The following POLDIP2 variants were observed in gnomAD, a reference collection of about 807,000 sequenced individuals.
POLDIP2 encodes the protein polymerase delta-interacting protein 2.
In POLDIP2, 32 loss-of-function variants were observed where a neutral mutation model predicts 52.9. The ratio of observed to expected loss-of-function variants is 0.61; its 90% confidence interval spans 0.46 to 0.81. POLDIP2 has a LOEUF of 0.81. POLDIP2 is among the 40% of genes least tolerant of loss of function. The pLI, the probability that POLDIP2 is intolerant of heterozygous loss-of-function variation, is 0.00. For missense variants in POLDIP2, 371 were observed against 477.3 expected, an observed-to-expected ratio of 0.78 and a Z score of 2.07; for synonymous variants, 183 against 183.0, an observed-to-expected ratio of 1.00 and a Z score of 0.00.
At chr17:28,356,632 A>C (rs1360072486) in intron 1 of POLDIP2, among the ~76,000 whole-genome samples, 3 of 152,194 alleles carry the variant, frequency 2.0e-5, no homozygotes, top group Non-Finnish European at 4.4e-5. Context: ...AATATCAGCC[A>C]CTAAAATGTC....
chr17:28,354,790 A>T (rs1907951416), intron 2 of POLDIP2, among the ~76,000 whole-genome samples: 1 of 152,194 alleles, frequency 6.6e-6, no homozygotes, highest in Non-Finnish European at 1.5e-5. Flanking sequence ...TTTAGGTAAA[A>T]GCTTAGGCCT....
rs1907773700 is a variant in POLDIP2 at position 28,350,918 on chromosome 17, T to TG, written c.760-127dup. ...AGACAGACCAAGCTGAGAGTATCTGTGGGATAAGGGTGATAGCTGAACCAT... is the reference window on the plus strand; with the variant it reads ...AGACAGACCAAGCTGAGAGTATCTGTGGGGATAAGGGTGATAGCTGAACCAT... On this transcript the variant is annotated intron_variant, in intron 7 of 10. Coordinates refer to ENST00000540200, the MANE Select transcript of POLDIP2 (RefSeq NM_015584.5). 3 of 811,626 alleles carry TG rather than the reference T, an allele frequency of 3.7e-6. No homozygotes were observed. The South Asian group carries it at 4.5e-5, about 12-fold the overall frequency. The allele number at this position is 811,626 out of a possible 1,614,324, so 50.3% of individuals were successfully genotyped here. A position where few individuals can be genotyped will look rare whatever the true frequency, so the allele number is the denominator to read the frequency against.
chr17:28,349,459 C>CAAAAAAA (rs11357551), intron 9 of POLDIP2, among the ~76,000 whole-genome samples: 1 of 73,374 alleles, frequency 1.4e-5, no homozygotes, highest in East Asian at 4.1e-4. Context: ...CCCATCTCCA[C>CAAAAAAA]AAAAAAAAAA....
intron 1 of POLDIP2, 21 bp downstream of exon 1, chr17:28,357,266 GC>G: frequency 1.9e-6 from 3 of 1,556,432 alleles, no homozygotes; most frequent in Middle Eastern, 2.0e-4. Context: ...AGTTCCTCGC[GC>G]CCCCTGGCTC....
chr17:28,349,817 G>A (rs1907730385), intron 9 of POLDIP2, among the ~76,000 whole-genome samples: 1 of 152,186 alleles, frequency 6.6e-6, no homozygotes, highest in Non-Finnish European at 1.5e-5. Flanking sequence ...CGAAAGTTAT[G>A]CTAATATATA....
At chr17:28,357,203 C>G in intron 1 of POLDIP2, 85 bp downstream of exon 1, 6 of 1,279,724 alleles carry the variant, frequency 4.7e-6, no homozygotes, top group Non-Finnish European at 6.3e-6. Context: ...TCAGCAGGCC[C>G]GGGCCCCTGG....
intron 8 of POLDIP2, 39 bp from the exon 9 acceptor site, chr17:28,350,602 A>G: frequency 6.2e-7 from 1 of 1,601,090 alleles, no homozygotes; most frequent in Non-Finnish European, 8.5e-7. Context: ...AAAAAAATAA[A>G]ATTTGGGTAA....
intron 9 of POLDIP2, among the ~76,000 whole-genome samples, chr17:28,349,846 G>A (rs1447062117): frequency 6.6e-6 from 1 of 152,218 alleles, no homozygotes; most frequent in Non-Finnish European, 1.5e-5. Flanking sequence ...GGAATTTGAA[G>A]TGACTACCTA....
chr17:28,351,641 AG>A (rs781963029), intron 7 of POLDIP2, 22 bp downstream of exon 7: 23 of 1,612,118 alleles, frequency 1.4e-5, no homozygotes, highest in Non-Finnish European at 1.9e-5. Context: ...CCCTGCTAGA[AG>A]GGGTCCAGGC....
intron 1 of POLDIP2, among the ~76,000 whole-genome samples, chr17:28,356,545 A>C (rs1007715709): frequency 6.6e-6 from 1 of 152,126 alleles, no homozygotes; most frequent in South Asian, 2.1e-4. Context: ...TCGCTCTCTC[A>C]ATACCGTTTT....
At chr17:28,352,207 G>A (rs138526805) in intron 6 of POLDIP2, among the ~76,000 whole-genome samples, 1 of 147,110 alleles carries the variant, frequency 6.8e-6, no homozygotes, top group African/African-American at 2.5e-5. Flanking sequence ...GGTTGAAAAG[G>A]GTTGTGGAAA....
Position 28,347,797 on chromosome 17 carries a change from G to A in POLDIP2, c.*320C>T, listed in dbSNP as rs980155785. 86 of 246,976 alleles carry A rather than the reference G, an allele frequency of 3.5e-4. No individual in the cohort carries two copies. The highest frequency in any genetic ancestry group is 1.7e-3 in the African/African-American group (76 of 44,216). 15.3% of individuals were successfully genotyped at this position (246,976 alleles called of 1,614,324 possible). On this transcript the variant is annotated 3_prime_UTR_variant, in exon 11 of 11. Coordinates refer to ENST00000540200, the MANE Select transcript of POLDIP2 (RefSeq NM_015584.5). ...GCAGAAATGGCAAGGGTGGCCAAGC[G>A]TGCACTGGTTTACTGATCAAACCTC...
chr17:28,348,981 C>T, intron 10 of POLDIP2, 102 bp downstream of exon 10: 1 of 722,842 alleles, frequency 1.4e-6, no homozygotes. Flanking sequence ...AAGAATGTAA[C>T]TTGGCCCAGA....
chr17:28,353,875 A>C, intron 3 of POLDIP2, 84 bp from the exon 4 acceptor site: 1 of 877,184 alleles, frequency 1.1e-6, no homozygotes, highest in South Asian at 1.3e-5. Context: ...CTCCTCACCT[A>C]AACAGGCTGG....
At position 28,346,985 on chromosome 17, in the gene POLDIP2, T is replaced by G. The variant is rs1907596302; in HGVS notation, c.*1132A>C. ...TAAGTGATGGAAGCAAACACTAATT[T>G]CTAATAAAATTGTGTTAAACTCAAT... is the stretch of plus-strand genomic sequence containing the variant. On this transcript the variant is annotated 3_prime_UTR_variant, in exon 11 of 11. Transcript: ENST00000540200. 1 of 152,208 alleles carries G rather than the reference T, an allele frequency of 6.6e-6. No individual in the cohort carries two copies. Among genetic ancestry groups the G allele is most frequent in the Non-Finnish European group, 1.5e-5 (1 of 68,044 alleles). 9.4% of individuals were successfully genotyped at this position (152,208 alleles called of 1,614,324 possible).
intron 8 of POLDIP2, 44 bp downstream of exon 8, chr17:28,350,722 G>A (rs1555579810): frequency 6.3e-7 from 1 of 1,589,780 alleles, no homozygotes; most frequent in Admixed American, 1.7e-5. Flanking sequence ...CTGACCCCCA[G>A]GCACACCCCA....
At position 28,357,439 on chromosome 17, in the gene POLDIP2, A is replaced by G; in HGVS notation, c.10T>C (p.Cys4Arg). 6.8e-7 allele frequency: 1 copy of G among 1,476,450 alleles called. No homozygotes were observed. The highest frequency in any genetic ancestry group is 8.9e-7 in the Non-Finnish European group (1 of 1,126,062). 91.5% of individuals were successfully genotyped at this position (1,476,450 alleles called of 1,614,324 possible). MAA[C>R]TARRALAVGS... The stretch of plus-strand genomic sequence containing the variant: ...ACGGCCAGGGCCCGCCGGGCTGTAC[A>G]GGCTGCCATGTCCCGCCCGAGCGCC... Residue 4 changes from cysteine to arginine, a missense_variant, in exon 1 of 11, where the codon TGT (cysteine) becomes CGT (arginine). Transcript: ENST00000540200.
chr17:28,350,904 G>A (rs1284467723), intron 7 of POLDIP2, 112 bp from the exon 8 acceptor site: 1 of 882,280 alleles, frequency 1.1e-6, no homozygotes, highest in Non-Finnish European at 1.8e-6. Flanking sequence ...GACAGACCAA[G>A]CTGAGAGTAT....
chr17:28,356,642 C>T (rs937152289), intron 1 of POLDIP2, among the ~76,000 whole-genome samples: 2 of 152,216 alleles, frequency 1.3e-5, no homozygotes, highest in Non-Finnish European at 2.9e-5. Flanking sequence ...ACTAAAATGT[C>T]AGTCACCACT....
Sources: gnomAD v4.1 joint callset for allele counts (sites outside exome capture counted in the v4.1 genomes callset) on GRCh38, gnomAD v4.1.1 for gene constraint, MANE v1.5 for transcripts, NCBI Gene and HGNC (gene_info 2026-07-23, HGNC 2026-07-21) for gene names.